ATRNL1: variants seen among roughly 807,000 people sequenced by gnomAD.
ATRNL1 encodes the protein attractin-like protein 1.
In ATRNL1, 95 loss-of-function variants were observed where a neutral mutation model predicts 182.7. That is an observed-to-expected ratio of 0.52 (90% confidence interval 0.44 to 0.62). ATRNL1 has a LOEUF of 0.62. Among genes scored for constraint, ATRNL1 ranks in the 20% least tolerant of loss-of-function variants. The pLI, the probability that ATRNL1 is intolerant of heterozygous loss-of-function variation, is 0.00. For missense variants in ATRNL1, 1,471 were observed against 1,679.5 expected, an observed-to-expected ratio of 0.88 and a Z score of 2.17; for synonymous variants, 576 against 568.3, an observed-to-expected ratio of 1.01 and a Z score of -0.19.
intron 26 of ATRNL1, among the ~76,000 whole-genome samples, chr10:115,671,169 A>G (rs1327847943): frequency 1.3e-5 from 2 of 152,118 alleles, no homozygotes; most frequent in Admixed American, 6.6e-5. Context: ...AGGTCAGATC[A>G]GTGGTGTCCA....
chr10:115,822,663 A>G, intron 27 of ATRNL1, among the ~76,000 whole-genome samples: 2 of 152,230 alleles, frequency 1.3e-5, no homozygotes, highest in East Asian at 3.8e-4. Flanking sequence ...CTCTATGCAA[A>G]TAAACTAGAA....
chr10:115,147,831 TGTACCA>T (rs1179918790), intron 5 of ATRNL1, among the ~76,000 whole-genome samples: 1 of 152,156 alleles, frequency 6.6e-6, no homozygotes, highest in Non-Finnish European at 1.5e-5. Flanking sequence ...TGTCTGGTTT[TGTACCA>T]GTACCATGCT....
chr10:115,396,881 G>A (rs1173782925), intron 20 of ATRNL1, among the ~76,000 whole-genome samples: 1 of 151,860 alleles, frequency 6.6e-6, no homozygotes, highest in Non-Finnish European at 1.5e-5. Context: ...TTTGGCATAT[G>A]TGCAAAATAT....
chr10:115,458,847 T>C (rs902849773), intron 21 of ATRNL1, among the ~76,000 whole-genome samples: 1 of 152,180 alleles, frequency 6.6e-6, no homozygotes, highest in Non-Finnish European at 1.5e-5. Context: ...GATATTTTTT[T>C]CTTCATTCTA....
At chr10:115,883,735 G>A (rs1015750178) in intron 28 of ATRNL1, among the ~76,000 whole-genome samples, 7 of 152,184 alleles carry the variant, frequency 4.6e-5, no homozygotes, top group Non-Finnish European at 1.0e-4. Flanking sequence ...AGAGCAGAGG[G>A]GATCTTCTAG....
chr10:115,593,844 T>C (rs188520175), intron 26 of ATRNL1, among the ~76,000 whole-genome samples: 35 of 152,288 alleles, frequency 2.3e-4, no homozygotes, highest in Non-Finnish European at 1.5e-5. Flanking sequence ...ACACTTATTA[T>C]CATTATCCTG....
At chr10:115,624,530 TGA>T (rs1857972036) in intron 26 of ATRNL1, among the ~76,000 whole-genome samples, 1 of 152,138 alleles carries the variant, frequency 6.6e-6, no homozygotes, top group South Asian at 2.1e-4. Context: ...AAAAGCAATG[TGA>T]GAGTGGTATG....
chr10:115,720,109 C>T (rs782775963), intron 26 of ATRNL1, among the ~76,000 whole-genome samples: 2 of 152,042 alleles, frequency 1.3e-5, no homozygotes, highest in African/African-American at 2.4e-5. Flanking sequence ...GTGATCTGCC[C>T]GCCTTGGCCT....
intron 26 of ATRNL1, among the ~76,000 whole-genome samples, chr10:115,634,221 AT>A (rs1733939220): frequency 6.6e-6 from 1 of 152,146 alleles, no homozygotes; most frequent in Non-Finnish European, 1.5e-5. Context: ...ATGCACTTTT[AT>A]ATCTTTGCCA....
At position 115,836,081 on chromosome 10, in the gene ATRNL1, G is replaced by A. The variant is rs118005978; in HGVS notation, c.3904-11796G>A. On this transcript the variant is annotated intron_variant, in intron 27 of 28. Coordinates refer to ENST00000355044, the MANE Select transcript of ATRNL1 (RefSeq NM_207303.4). ...AACGTATACTACCTTTGCATTCTAA[G>A]GAGCAATTACAACTATTTTCAATTT... 7.9e-3 allele frequency among the ~76,000 whole-genome samples: 1,208 copies of A among 152,266 alleles called. 15 individuals carry two copies. The highest frequency in any genetic ancestry group is 0.01 in the Middle Eastern group (3 of 294).
At chr10:115,555,579 ATTG>A (rs1307644784) in intron 26 of ATRNL1, among the ~76,000 whole-genome samples, 1 of 151,972 alleles carries the variant, frequency 6.6e-6, no homozygotes, top group Non-Finnish European at 1.5e-5. Context: ...TTGAACAACT[ATTG>A]TTGTTTCAAG....
rs367894135 is a variant in ATRNL1 at position 115,153,101 on chromosome 10, T to C, written c.830-6939T>C. On this transcript the variant is annotated intron_variant, in intron 5 of 28. Coordinates refer to ENST00000355044, the MANE Select transcript of ATRNL1 (RefSeq NM_207303.4). Reference sequence around the variant, plus strand: ...CATGGTGGATAAGCTTTTTGATGTGTTGCTGGATTCGGTTTGCCAGGATTT... The same window carrying C: ...CATGGTGGATAAGCTTTTTGATGTGCTGCTGGATTCGGTTTGCCAGGATTT... 7.8e-4 allele frequency among the ~76,000 whole-genome samples: 119 copies of C among 152,228 alleles called. 2 individuals are homozygous for C. In the South Asian group the frequency reaches 0.024, roughly 31 times the overall value.
intron 1 of ATRNL1, among the ~76,000 whole-genome samples, chr10:115,102,625 G>A (rs1763243263): frequency 1.3e-5 from 2 of 152,022 alleles, no homozygotes; most frequent in Admixed American, 1.3e-4. Flanking sequence ...TGTATTTTTG[G>A]TAGAGATGAG....
intron 18 of ATRNL1, among the ~76,000 whole-genome samples, chr10:115,327,281 G>C (rs1489080303): frequency 6.6e-6 from 1 of 150,384 alleles, no homozygotes; most frequent in Non-Finnish European, 1.5e-5. Flanking sequence ...CAAAGGACAT[G>C]AACAGACACT....
rs1314054974 is a variant in ATRNL1 at position 115,093,514 on chromosome 10, G to C, written c.-237G>C. 8 of 661,372 alleles carry C rather than the reference G, an allele frequency of 1.2e-5. No homozygotes were observed. Among genetic ancestry groups the C allele is most frequent in the Non-Finnish European group, 1.9e-5 (7 of 364,830 alleles). The allele number at this position is 661,372 out of a possible 1,614,324, so 41.0% of individuals were successfully genotyped here. Reference sequence around the variant, plus strand: ...GACGCCGCGGCTGTGGGGTCGGCCCGCTAAGGACAAGGTCGGGAGACTGGG... The same window carrying C: ...GACGCCGCGGCTGTGGGGTCGGCCCCCTAAGGACAAGGTCGGGAGACTGGG... On this transcript the variant is annotated 5_prime_UTR_variant, in exon 1 of 29. Coordinates refer to ENST00000355044, the MANE Select transcript of ATRNL1 (RefSeq NM_207303.4). The surrounding 1 kb of genome is among the most constrained non-coding windows in gnomAD (Gnocchi z 6.1).
rs555618560 is a variant in ATRNL1 at position 115,633,345 on chromosome 10, AT to A, written c.3795+83814del. On this transcript the variant is annotated intron_variant, in intron 26 of 28. Coordinates refer to ENST00000355044, the MANE Select transcript of ATRNL1 (RefSeq NM_207303.4). ...TGGTTCTGTCTATGCTAATGTAAGT[AT>A]TTTTATCACTGTAAGTTTGTACATT... Among the ~76,000 whole-genome samples the A allele has an allele frequency of 1.3e-4, 20 of 152,260 alleles. No homozygotes were observed. The South Asian group carries it at 3.1e-3, about 24-fold the overall frequency.
intron 8 of ATRNL1, among the ~76,000 whole-genome samples, chr10:115,194,209 G>T (rs755055582): frequency 6.6e-6 from 1 of 151,920 alleles, no homozygotes; most frequent in Non-Finnish European, 1.5e-5. Flanking sequence ...TGTCTATTTG[G>T]TCTGTAGTGC....
intron 1 of ATRNL1, among the ~76,000 whole-genome samples, chr10:115,100,718 T>C (rs1446694604): frequency 2.0e-5 from 3 of 152,198 alleles, no homozygotes; most frequent in African/African-American, 7.2e-5. Flanking sequence ...TTGGCTACTC[T>C]GAGTCCTTTG....
At chr10:115,659,956 T>C (rs1366620948) in intron 26 of ATRNL1, among the ~76,000 whole-genome samples, 1 of 152,180 alleles carries the variant, frequency 6.6e-6, no homozygotes, top group African/African-American at 2.4e-5. Context: ...TAAAGGACAT[T>C]GTAAACTGTG....
Sources: allele counts gnomAD v4.1 joint callset (sites outside exome capture counted in the v4.1 genomes callset), GRCh38; gene constraint gnomAD v4.1.1; non-coding constraint Gnocchi (gnomAD v3.1); transcripts MANE v1.5; gene names NCBI Gene and HGNC (gene_info 2026-07-23, HGNC 2026-07-21).